MAGEC3: variants seen among roughly 807,000 people sequenced by gnomAD.
MAGEC3 encodes the protein MAGE family member C3, also known as melanoma-associated antigen C3.
Under a neutral mutation model 35.3 loss-of-function variants are expected in MAGEC3, and 34 were observed. The ratio of observed to expected loss-of-function variants is 0.96; its 90% confidence interval spans 0.73 to 1.28. MAGEC3 has a LOEUF of 1.28. Among genes scored for constraint, MAGEC3 ranks in the 50% most tolerant of loss-of-function variants. The probability of loss-of-function intolerance (pLI) is 0.00; values close to 1 mark genes in which losing one functional copy is unlikely to be tolerated. For missense variants in MAGEC3, 561 were observed against 483.6 expected (o/e 1.16, Z -1.50); for synonymous variants, 202 against 185.6 (o/e 1.09, Z -0.72).
At position 141,881,680 on chromosome X, in the gene MAGEC3, A is replaced by T; in HGVS notation, c.793A>T (p.Ser265Cys). 8.3e-7 allele frequency: 1 copy of T among 1,211,533 alleles called. No individual in the cohort carries two copies. The highest frequency in any genetic ancestry group is 1.1e-6 in the Non-Finnish European group (1 of 895,442). ...AGACCTCACCTGTGAGGGGAGTCTG[A>T]GTGATGAGCAGGGCATGCCCCAGAA... ...TLDLTCEGSL[S>C]DEQGMPQNRL... The change falls in exon 4 of 8, where the codon AGT becomes TGT. Residue 265 changes from serine to cysteine, a missense_variant. Physicochemically the swap from Ser to Cys is moderately radical, Grantham distance 112. Coordinates refer to ENST00000298296, the MANE Select transcript of MAGEC3 (RefSeq NM_138702.1).
chrX:141,866,592 T>C (rs768629459), intron 2 of MAGEC3, among the ~76,000 whole-genome samples: 38 of 112,468 alleles, frequency 3.4e-4, no homozygotes, highest in African/African-American at 1.2e-3. Context: ...CCTTCCTGGA[T>C]ATAGGCCCAC....
chrX:141,881,712 C>T lies in MAGEC3; in HGVS notation c.825C>T (p.Leu275=), dbSNP rs1409674674. 1 of 1,211,497 alleles carries T rather than the reference C, an allele frequency of 8.3e-7. No individual in the cohort carries two copies. The highest frequency in any genetic ancestry group is 1.1e-6 in the Non-Finnish European group (1 of 895,435). The change falls in exon 4 of 8, where the codon CTC becomes CTT. Residue 275 remains leucine, a synonymous_variant. Coordinates refer to ENST00000298296, the MANE Select transcript of MAGEC3 (RefSeq NM_138702.1). ...SDEQGMPQNR[L]LILILSVIFI... is the part of the protein sequence containing the mutation. Reference sequence around the variant, plus strand: ...AGCAGGGCATGCCCCAGAACCGCCTCCTGATTCTTATTCTGAGTGTGATCT... The same window carrying T: ...AGCAGGGCATGCCCCAGAACCGCCTTCTGATTCTTATTCTGAGTGTGATCT...
At chrX:141,858,666 G>C (rs1190315770) in intron 1 of MAGEC3, among the ~76,000 whole-genome samples, 1 of 110,085 alleles carries the variant, frequency 9.1e-6, no homozygotes, top group Non-Finnish European at 1.9e-5. Context: ...ATGTGTGTAT[G>C]TATTTGTGAG....
intron 1 of MAGEC3, among the ~76,000 whole-genome samples, chrX:141,843,014 A>G (rs928626373): frequency 8.0e-5 from 9 of 112,249 alleles, no homozygotes; most frequent in Non-Finnish European, 1.7e-4. Context: ...CTTCTCTGTC[A>G]TTTATAATTT....
intron 2 of MAGEC3, among the ~76,000 whole-genome samples, chrX:141,869,677 C>T (rs771530430): frequency 8.9e-6 from 1 of 111,821 alleles, no homozygotes; most frequent in Non-Finnish European, 1.9e-5. Flanking sequence ...GATTATAAAT[C>T]ATGTTTTGAA....
At chrX:141,897,552 G>A (rs1273421584) in intron 7 of MAGEC3, 66 bp downstream of exon 7, 2 of 1,194,934 alleles carry the variant, frequency 1.7e-6, no homozygotes, top group Non-Finnish European at 2.3e-6. Context: ...TACATTGGGT[G>A]CAGAGAAAGT....
chrX:141,873,755 G>A (rs185834913), intron 2 of MAGEC3, among the ~76,000 whole-genome samples: 1 of 112,011 alleles, frequency 8.9e-6, no homozygotes, highest in African/African-American at 3.2e-5. Context: ...AGGATAGAAA[G>A]ACTCATTATT....
rs761214644 is a variant in MAGEC3 at position 141,897,670 on chromosome X, C to A, written c.1770C>A (p.Ser590=). 1 of 1,210,737 alleles carries A rather than the reference C, an allele frequency of 8.3e-7. No homozygotes were observed. The highest frequency in any genetic ancestry group is 3.0e-5 in the East Asian group (1 of 33,819). ...RPAREVLEFL[S]KLSSIIPSAF... ...CAAGAGAAGTCTTAGAGTTTTTATC[C>A]AAGCTATCCAGTATCATCCCTAGTG... The change falls in exon 8 of 8, where the codon TCC becomes TCA. Residue 590 remains serine, a synonymous_variant. Transcript: ENST00000298296.
At chrX:141,877,777 T>C (rs1027740836) in intron 2 of MAGEC3, among the ~76,000 whole-genome samples, 17 of 112,002 alleles carry the variant, frequency 1.5e-4, no homozygotes, top group Non-Finnish European at 7.5e-5. Context: ...ATTTTTCATA[T>C]TTGATAAACT....
chrX:141,839,546 G>C lies in MAGEC3; in HGVS notation c.123+1108G>C. 4.0e-6 allele frequency: 3 copies of C among 753,575 alleles called. No individual in the cohort carries two copies. In the South Asian group the frequency reaches 2.0e-4, roughly 51 times the overall value. 62.1% of individuals were successfully genotyped at this position (753,575 alleles called of 1,213,427 possible). ...CCGGCTCTGGCTACAGCTAATCCTG[G>C]GCAGGCTTTGCAGCTCCTACCACTT... On this transcript the variant is annotated intron_variant, in intron 1 of 7. Coordinates refer to ENST00000298296, the MANE Select transcript of MAGEC3 (RefSeq NM_138702.1).
Position 141,896,636 on chromosome X carries a change from C to G in MAGEC3, c.1124-246C>G. ...CCTGCTCACACGTTTACCTGCTGCT[C>G]CTGAACAACAGGCCTCATGCCTCTC... On this transcript the variant is annotated intron_variant, in intron 6 of 7. Transcript: ENST00000298296. 3 of 1,202,920 alleles carry G rather than the reference C, an allele frequency of 2.5e-6. No individual in the cohort carries two copies. The South Asian group carries it at 5.5e-5, about 22-fold the overall frequency.
chrX:141,866,418 A>G (rs1246137873), intron 2 of MAGEC3, among the ~76,000 whole-genome samples: 1 of 112,338 alleles, frequency 8.9e-6, no homozygotes. Context: ...ACCACTTTAC[A>G]CACATTTAAT....
intron 1 of MAGEC3, among the ~76,000 whole-genome samples, chrX:141,840,863 A>G (rs1332101517): frequency 9.0e-6 from 1 of 110,718 alleles, no homozygotes; most frequent in Non-Finnish European, 1.9e-5. Flanking sequence ...TGTTCTATTC[A>G]AGGGGATTGA....
chrX:141,838,951 C>G, intron 1 of MAGEC3: 2 of 590,548 alleles, frequency 3.4e-6, no homozygotes, highest in Non-Finnish European at 4.1e-6. Flanking sequence ...CTGCTTAAGT[C>G]TCAAGAAGTG....
At chrX:141,845,438 G>T (rs764546032) in intron 1 of MAGEC3, among the ~76,000 whole-genome samples, 6 of 111,057 alleles carry the variant, frequency 5.4e-5, no homozygotes, top group Admixed American at 1.9e-4. Flanking sequence ...TAAGCTTTAA[G>T]TTTTGCCGAA....
intron 1 of MAGEC3, among the ~76,000 whole-genome samples, chrX:141,856,658 T>A (rs1320639751): frequency 9.0e-6 from 1 of 111,454 alleles, no homozygotes; most frequent in East Asian, 2.8e-4. Flanking sequence ...TCAACCTAAG[T>A]GTTCATCAAT....
At chrX:141,864,583 A>G (rs2017836618) in intron 1 of MAGEC3, among the ~76,000 whole-genome samples, 1 of 111,210 alleles carries the variant, frequency 9.0e-6, no homozygotes, top group Non-Finnish European at 1.9e-5. Context: ...ATGAGAACAC[A>G]TAGATGCACA....
chrX:141,897,324 C>T lies in MAGEC3; in HGVS notation c.1566C>T (p.Ser522=), dbSNP rs868241423. 1 of 1,211,902 alleles carries T rather than the reference C, an allele frequency of 8.3e-7. No individual in the cohort carries two copies. The highest frequency in any genetic ancestry group is 1.7e-5 in the African/African-American group (1 of 57,881). ...CTGATATGGACCCCGACAACCACTC[C>T]TATTTCTTTGAAGACACATTAGACC... ...ALTDMDPDNH[S]YFFEDTLDLT... Residue 522 remains serine (S), a synonymous_variant, in exon 7 of 8, where the codon TCC becomes TCT. Coordinates refer to ENST00000298296, the MANE Select transcript of MAGEC3 (RefSeq NM_138702.1).
In MAGEC3 at chrX:141,865,547, G is replaced by A. The variant is rs149404251; in HGVS notation, c.200G>A (p.Arg67Lys). Reference protein sequence around the residue: ...GHLREVRLFLRGGTSDQRMDS... With the variant: ...GHLREVRLFLKGGTSDQRMDS... ...CTGAGGGAGGTGAGGCTTTTTCTGA[G>A]GGGTGGAACTTCAGATCAGCGAATG... The change falls in exon 2 of 8, where the codon AGG (arginine) becomes AAG (lysine). Residue 67 changes from arginine (R) to lysine (K), a missense_variant. Arg to Lys is a conservative substitution (Grantham distance 26). Coordinates refer to ENST00000298296, the MANE Select transcript of MAGEC3 (RefSeq NM_138702.1). The A allele has an allele frequency of 5.4e-5, 65 of 1,204,810 alleles. No individual in the cohort carries two copies. The highest frequency in any genetic ancestry group is 2.6e-4 in the Admixed American group (12 of 45,307).
Sources: allele counts gnomAD v4.1 joint callset (sites outside exome capture counted in the v4.1 genomes callset), GRCh38; gene constraint gnomAD v4.1.1; transcripts MANE v1.5; gene names NCBI Gene and HGNC (gene_info 2026-07-23, HGNC 2026-07-21).